Variants in EIF4G3 observed in about 807,000 individuals in gnomAD.
EIF4G3 encodes eukaryotic translation initiation factor 4 gamma 3.
Under a neutral mutation model 186.4 loss-of-function variants are expected in EIF4G3, and 34 were observed. The ratio of observed to expected loss-of-function variants is 0.18; its 90% CI spans 0.14 to 0.24. The LOEUF is 0.24. EIF4G3 is among the 10% of genes least tolerant of loss of function. The pLI is 1.00. For synonymous variants in EIF4G3, 673 were observed against 679.5 expected, an observed-to-expected ratio of 0.99 and a Z score of 0.15; for missense variants, 1,536 against 1,948.5, an observed-to-expected ratio of 0.79 and a Z score of 3.99.
chr1:21,121,112 C>G lies in EIF4G3; in HGVS notation c.-271-31899G>C, dbSNP rs1037920984. Among the ~76,000 whole-genome samples the G allele has an allele frequency of 3.9e-4, 59 of 152,218 alleles. 1 individual carries two copies. The highest frequency in any genetic ancestry group is 1.4e-3 in the African/African-American group (59 of 41,542). On this transcript the variant is annotated intron_variant, in intron 2 of 36. Coordinates refer to ENST00000602326, the MANE Select transcript of EIF4G3 (RefSeq NM_001391906.1). ...TTTTAATATTTTATACAGACAGTGT[C>G]TCACCATGTTGCCTAGGCTGGTCTC...
intron 14 of EIF4G3, among the ~76,000 whole-genome samples, chr1:20,925,459 A>G (rs1446375256): frequency 2.0e-5 from 3 of 152,254 alleles, no homozygotes; most frequent in Non-Finnish European, 4.4e-5. Context: ...GTATTATGTT[A>G]CAAAAGCCCT....
rs1457245880 is a variant in EIF4G3 at position 20,949,988 on chromosome 1, C to T, written c.823+15G>A. 3.7e-6 allele frequency: 6 copies of T among 1,602,976 alleles called. No individual in the cohort carries two copies. In the South Asian group the frequency reaches 5.5e-5, roughly 15 times the overall value. ...AGACTAAAGATAAGAGGGAGGAAAA[C>T]AGTCATACACAAACCTTGCTTCTGG... On this transcript the variant is annotated intron_variant, in intron 13 of 36. Coordinates refer to ENST00000602326, the MANE Select transcript of EIF4G3 (RefSeq NM_001391906.1).
chr1:21,104,439 C>A (rs1212945496), intron 2 of EIF4G3, among the ~76,000 whole-genome samples: 1 of 152,128 alleles, frequency 6.6e-6, no homozygotes, highest in Non-Finnish European at 1.5e-5. Context: ...CTAAAGAAGA[C>A]ATATACATGG....
chr1:21,058,495 T>C (rs906706758), intron 3 of EIF4G3, among the ~76,000 whole-genome samples: 1 of 151,904 alleles, frequency 6.6e-6, no homozygotes, highest in Non-Finnish European at 1.5e-5. Flanking sequence ...TCTAGGGGTA[T>C]CTCATGATCA....
intron 13 of EIF4G3, among the ~76,000 whole-genome samples, chr1:20,946,662 A>C (rs559942729): frequency 2.0e-5 from 3 of 152,264 alleles, no homozygotes; most frequent in Admixed American, 2.0e-4. Flanking sequence ...AATTCTCACA[A>C]CCACGATTGT....
Position 21,166,769 on chromosome 1 carries a change from G to GT in EIF4G3, c.-272+9405dup, listed in dbSNP as rs577621602. 1.2e-4 allele frequency among the ~76,000 whole-genome samples: 18 copies of GT among 151,620 alleles called. 1 individual carries two copies. The South Asian group carries it at 2.5e-3, about 21-fold the overall frequency. ...AATAAAATAAATAAATGAATTAAGG[G>GT]TTTTTTTTGTTTGTTTTGGGGGGTT... is the stretch of plus-strand genomic sequence containing the variant. On this transcript the variant is annotated intron_variant, in intron 2 of 36. Transcript: ENST00000602326.
intron 2 of EIF4G3, among the ~76,000 whole-genome samples, chr1:21,144,502 C>A (rs1298963811): frequency 6.6e-6 from 1 of 151,852 alleles, no homozygotes; most frequent in Non-Finnish European, 1.5e-5. Context: ...AGCAATCCTT[C>A]CACCTTGGCC....
intron 7 of EIF4G3, among the ~76,000 whole-genome samples, chr1:20,993,017 T>C (rs528309358): frequency 6.6e-6 from 1 of 152,336 alleles, no homozygotes; most frequent in African/African-American, 2.4e-5. Flanking sequence ...CAAGAGTGTT[T>C]TGCATATAAA....
chr1:21,163,848 C>T (rs868009573), intron 2 of EIF4G3, among the ~76,000 whole-genome samples: 3 of 152,074 alleles, frequency 2.0e-5, no homozygotes, highest in South Asian at 2.1e-4. Flanking sequence ...CTCAGCTCAC[C>T]GTAGCCTCCG....
chr1:21,172,981 T>C (rs1016241472), intron 2 of EIF4G3, among the ~76,000 whole-genome samples: 1 of 149,944 alleles, frequency 6.7e-6, no homozygotes, highest in Non-Finnish European at 1.5e-5. Flanking sequence ...TCTACTAAAA[T>C]ACAAAAAATT....
At chr1:21,122,838 A>C (rs1469832065) in intron 2 of EIF4G3, among the ~76,000 whole-genome samples, 2 of 152,232 alleles carry the variant, frequency 1.3e-5, no homozygotes, top group African/African-American at 4.8e-5. Context: ...TTGCACTTAT[A>C]CTAGTAATAA....
At chr1:21,139,406 A>C (rs2097301466) in intron 2 of EIF4G3, among the ~76,000 whole-genome samples, 1 of 152,000 alleles carries the variant, frequency 6.6e-6, no homozygotes, top group Non-Finnish European at 1.5e-5. Flanking sequence ...AGTAAGCTAC[A>C]ATCTCACCAC....
intron 30 of EIF4G3, among the ~76,000 whole-genome samples, chr1:20,835,692 C>A (rs766412262): frequency 6.6e-6 from 1 of 152,128 alleles, no homozygotes; most frequent in Non-Finnish European, 1.5e-5. Context: ...GTAATCCCAG[C>A]ACTTTGAGAG....
intron 22 of EIF4G3, 66 bp from the exon 23 acceptor site, chr1:20,862,398 GTTAT>G (rs1204427658): frequency 3.3e-5 from 33 of 1,003,668 alleles, no homozygotes; most frequent in Non-Finnish European, 1.3e-5. Context: ...CCAATTTACA[GTTAT>G]TTATTTATGT....
chr1:21,100,339 T>G (rs972647851), intron 2 of EIF4G3, among the ~76,000 whole-genome samples: 3 of 152,152 alleles, frequency 2.0e-5, no homozygotes, highest in African/African-American at 7.2e-5. Context: ...AACTGTACAT[T>G]TGTACATTTT....
chr1:21,041,026 A>G (rs1387762676), intron 4 of EIF4G3, among the ~76,000 whole-genome samples: 1 of 151,990 alleles, frequency 6.6e-6, no homozygotes, highest in Non-Finnish European at 1.5e-5. Context: ...TAGAGTCTCT[A>G]TGAATTTGCC....
At chr1:21,159,245 C>T (rs2097715634) in intron 2 of EIF4G3, among the ~76,000 whole-genome samples, 1 of 151,818 alleles carries the variant, frequency 6.6e-6, no homozygotes, top group Non-Finnish European at 1.5e-5. Context: ...TCAGACTGGA[C>T]AACAAAGTGA....
rs2073220198 is a variant in EIF4G3 at position 20,851,331 on chromosome 1, C to T, written c.3699G>A (p.Val1233=). The change falls in exon 28 of 37, where the codon GTG becomes GTA. Residue 1233 remains valine (V), a synonymous_variant. Transcript: ENST00000602326. ...CATCCACACCTCCTGTGAGCTGCTTCACGGTCTCCAGCATCTCTCTCCGCT... is the reference window on the plus strand; with the variant it reads ...CATCCACACCTCCTGTGAGCTGCTTTACGGTCTCCAGCATCTCTCTCCGCT... The part of the protein sequence containing the change: ...EEQRREMLET[V]KQLTGGVDVE... 6.2e-7 allele frequency: 1 copy of T among 1,614,046 alleles called. No individual in the cohort carries two copies. The highest frequency in any genetic ancestry group is 8.5e-7 in the Non-Finnish European group (1 of 1,180,048).
intron 14 of EIF4G3, among the ~76,000 whole-genome samples, chr1:20,918,641 A>T (rs2094171334): frequency 6.6e-6 from 1 of 151,992 alleles, no homozygotes; most frequent in African/African-American, 2.4e-5. Flanking sequence ...TCTTTTGAAA[A>T]ATCTTACGTT....
Sources: gnomAD v4.1 joint callset for allele counts (sites outside exome capture counted in the v4.1 genomes callset) on GRCh38, gnomAD v4.1.1 for gene constraint, MANE v1.5 for transcripts, NCBI Gene and HGNC (gene_info 2026-07-23, HGNC 2026-07-21) for gene names.